Variants in KAZN observed in about 807,000 individuals in gnomAD.
The protein encoded by KAZN is kazrin, periplakin interacting protein.
Under a neutral mutation model 87.4 loss-of-function variants are expected in KAZN, and 40 were observed. That is an observed-to-expected ratio of 0.46 (90% CI 0.36 to 0.60). KAZN has a LOEUF of 0.60. KAZN is among the 20% of genes least tolerant of loss of function. KAZN has a pLI of 0.00. For synonymous variants in KAZN, 466 were observed against 458.3 expected (o/e 1.02, Z -0.22); for missense variants, 898 against 1,073.9 (o/e 0.84, Z 2.29).
intron 2 of KAZN, among the ~76,000 whole-genome samples, chr1:14,372,617 TTTATTGCTCTAAA>T (rs1660584204): frequency 6.6e-6 from 1 of 152,222 alleles, no homozygotes. Flanking sequence ...AAGATGATTA[TTTATTGCTCTAAA>T]ATAACGGGAA....
intron 1 of KAZN, among the ~76,000 whole-genome samples, chr1:14,887,372 G>A (rs1654187830): frequency 6.6e-6 from 1 of 152,128 alleles, no homozygotes; most frequent in Non-Finnish European, 1.5e-5. Context: ...TCCCAGATGT[G>A]GCATGGGCTG....
intron 2 of KAZN, among the ~76,000 whole-genome samples, chr1:14,539,571 A>G (rs1396478292): frequency 6.6e-6 from 1 of 152,170 alleles, no homozygotes; most frequent in Non-Finnish European, 1.5e-5. Context: ...AAATTGTTCT[A>G]AAGAGAATGA....
At chr1:14,685,140 G>A (rs189954554) in intron 1 of KAZN, among the ~76,000 whole-genome samples, 2 of 152,314 alleles carry the variant, frequency 1.3e-5, no homozygotes, top group African/African-American at 4.8e-5. Context: ...CACCAGTAGG[G>A]CCTCAGGAAA....
At chr1:14,266,251 A>G (rs1651466837) in intron 2 of KAZN, among the ~76,000 whole-genome samples, 1 of 152,232 alleles carries the variant, frequency 6.6e-6, no homozygotes, top group South Asian at 2.1e-4. Context: ...TGTCATTGCT[A>G]CTGCACTGTA....
intron 2 of KAZN, among the ~76,000 whole-genome samples, chr1:14,460,798 G>A (rs1667814057): frequency 1.3e-5 from 2 of 152,144 alleles, no homozygotes; most frequent in South Asian, 4.1e-4. Flanking sequence ...GCATTTTACA[G>A]TTCACCAAGA....
In KAZN at chr1:14,368,658, C is replaced by T. The variant is rs550751999; in HGVS notation, c.249+188066C>T. Among the ~76,000 whole-genome samples, 24 of 152,292 alleles carry T rather than the reference C, an allele frequency of 1.6e-4. No individual in the cohort carries two copies. In the South Asian group the frequency reaches 4.8e-3, roughly 30 times the overall value. ...TCCCTCCTAAGCCTCTGGCTCAATC[C>T]TACCTCAGGCTGTTGGCTCCTTGGA... On this transcript the variant is annotated intron_variant, in intron 2 of 16. Transcript: ENST00000636203.
At chr1:15,097,695 G>C (rs924538645) in intron 10 of KAZN, among the ~76,000 whole-genome samples, 6 of 152,152 alleles carry the variant, frequency 3.9e-5, no homozygotes, top group Non-Finnish European at 5.9e-5. Flanking sequence ...GTGTGTGCCT[G>C]TGATCCCAGC....
chr1:14,527,189 T>C (rs1671917917), intron 2 of KAZN, among the ~76,000 whole-genome samples: 1 of 152,178 alleles, frequency 6.6e-6, no homozygotes, highest in African/African-American at 2.4e-5. Context: ...TGGAGTCATC[T>C]AAAGACTTCC....
chr1:14,100,791 C>G (rs549087408), intron 1 of KAZN, among the ~76,000 whole-genome samples: 24 of 152,124 alleles, frequency 1.6e-4, no homozygotes, highest in Non-Finnish European at 3.4e-4. Flanking sequence ...TAGCTGTGTC[C>G]CCACCCAAAT....
Position 14,125,489 on chromosome 1 carries a change from G to C in KAZN, c.92-54946G>C, listed in dbSNP as rs1397988100. Reference sequence around the variant, plus strand: ...CTTAAATCCAGTGACAGTGGAGACAGAGAGGGGAAGACAGAGATACAGAAG... The same window carrying C: ...CTTAAATCCAGTGACAGTGGAGACACAGAGGGGAAGACAGAGATACAGAAG... On this transcript the variant is annotated intron_variant, in intron 1 of 16. Coordinates refer to the KAZN transcript ENST00000636203. Among the ~76,000 whole-genome samples the C allele has an allele frequency of 3.3e-5, 5 of 152,174 alleles. No homozygotes were observed. In the South Asian group the frequency reaches 8.3e-4, roughly 25 times the overall value.
intron 2 of KAZN, among the ~76,000 whole-genome samples, chr1:14,449,505 G>A (rs1372648820): frequency 6.6e-6 from 1 of 152,206 alleles, no homozygotes; most frequent in African/African-American, 2.4e-5. Context: ...GCCTCCCTGG[G>A]CAGCAGGAAT....
At chr1:15,052,249 A>C (rs181302038) in intron 4 of KAZN, among the ~76,000 whole-genome samples, 1 of 152,280 alleles carries the variant, frequency 6.6e-6, no homozygotes, top group African/African-American at 2.4e-5. Context: ...ATGGACTCAC[A>C]GTTCCACATG....
At chr1:14,610,057 C>T (rs1315136581) in intron 1 of KAZN, among the ~76,000 whole-genome samples, 2 of 152,250 alleles carry the variant, frequency 1.3e-5, no homozygotes, top group Non-Finnish European at 2.9e-5. Flanking sequence ...TGCCCTCATA[C>T]TCTGAGCCTC....
rs1291091574 is a variant in KAZN at position 14,399,176 on chromosome 1, TA to T, written c.250-199806del. On this transcript the variant is annotated intron_variant, in intron 2 of 16. Coordinates refer to the KAZN transcript ENST00000636203. ...GCCATGCCTGGCTAGTTTATTTATT[TA>T]TTTATATTTATTTATTTTTAGTGGA... Among the ~76,000 whole-genome samples, 24 of 152,042 alleles carry T rather than the reference TA, an allele frequency of 1.6e-4. No homozygotes were observed. In the East Asian group the frequency reaches 4.5e-3, roughly 28 times the overall value.
rs145909694 is a variant in KAZN, at chr1:14,832,160, C to T, written c.227-128524C>T. 6.2e-3 allele frequency among the ~76,000 whole-genome samples: 933 copies of T among 151,274 alleles called. 12 individuals carry two copies. The highest frequency in any genetic ancestry group is 0.021 in the African/African-American group (853 of 41,082). On this transcript the variant is annotated intron_variant, in intron 1 of 14. Transcript: ENST00000376030. ...GCAGTGAGCAGAGATCGCACCATTG[C>T]GCTCCAGCCTGGGCAACAAGAGCGA...
chr1:14,823,827 G>C (rs1248774127), intron 1 of KAZN, among the ~76,000 whole-genome samples: 1 of 152,156 alleles, frequency 6.6e-6, no homozygotes, highest in African/African-American at 2.4e-5. Flanking sequence ...GCCAGGGAAT[G>C]AGTGGGCCCG....
chr1:14,048,725 A>G (rs1027126931), intron 1 of KAZN, among the ~76,000 whole-genome samples: 1 of 152,162 alleles, frequency 6.6e-6, no homozygotes, highest in African/African-American at 2.4e-5. Context: ...ATTTAAACAC[A>G]TTGTCTCCCA....
chr1:14,665,397 C>A (rs183476039), intron 1 of KAZN, among the ~76,000 whole-genome samples: 1 of 152,048 alleles, frequency 6.6e-6, no homozygotes, highest in Non-Finnish European at 1.5e-5. Flanking sequence ...TGACATTTAT[C>A]GACTCTGCTG....
At chr1:14,051,562 C>G (rs180888356) in intron 1 of KAZN, among the ~76,000 whole-genome samples, 1 of 152,212 alleles carries the variant, frequency 6.6e-6, no homozygotes, top group African/African-American at 2.4e-5. Flanking sequence ...CTAAGAATGG[C>G]TGGTATTAAG....
Sources: gnomAD v4.1 joint callset for allele counts (sites outside exome capture counted in the v4.1 genomes callset) on GRCh38, gnomAD v4.1.1 for gene constraint, MANE v1.5 for transcripts, NCBI Gene and HGNC (gene_info 2026-07-23, HGNC 2026-07-21) for gene names.